DLG2: variants seen among roughly 807,000 people sequenced by gnomAD.
DLG2 encodes the protein disks large homolog 2.
A neutral mutation model predicts 132.5 loss-of-function variants in DLG2; 45 were observed. The observed-to-expected ratio is 0.34, with a 90% CI of 0.27 to 0.44. The LOEUF (loss-of-function observed/expected upper bound fraction) is 0.44, where lower values mean the gene tolerates loss of function less well. Among genes scored for constraint, DLG2 ranks in the 20% least tolerant of loss-of-function variants. The pLI, the probability that DLG2 is intolerant of heterozygous loss-of-function variation, is 1.00. For missense variants in DLG2, 1,045 were observed against 1,196.9 expected (o/e 0.87, Z 1.87); for synonymous variants, 424 against 419.6 (o/e 1.01, Z -0.13).
At chr11:84,977,617 A>C (rs2055089910) in intron 6 of DLG2, among the ~76,000 whole-genome samples, 1 of 152,216 alleles carries the variant, frequency 6.6e-6, no homozygotes, top group South Asian at 2.1e-4. Flanking sequence ...AGAAAAACCA[A>C]ACGCTACCCT....
rs1158336830 is a variant in DLG2, at chr11:84,733,952, A to G, written c.358-199221T>C. 8.5e-5 allele frequency among the ~76,000 whole-genome samples: 13 copies of G among 152,112 alleles called. No individual in the cohort carries two copies. In the Middle Eastern group the frequency reaches 0.027, roughly 318 times the overall value. On this transcript the variant is annotated intron_variant, in intron 6 of 27. Coordinates refer to ENST00000376104, the MANE Select transcript of DLG2 (RefSeq NM_001142699.3). The stretch of plus-strand genomic sequence containing the variant: ...TGTCAAAGATCAGATGGTTGTAGAT[A>G]TGTGGTATTATTTCTGAGGGCTCTG...
chr11:85,226,947 T>C (rs1188733374), intron 4 of DLG2, among the ~76,000 whole-genome samples: 1 of 152,140 alleles, frequency 6.6e-6, no homozygotes, highest in East Asian at 1.9e-4. Context: ...AAGTCTTTGG[T>C]GAAGCTTAAA....
At chr11:84,085,752 A>T (rs1361703555) in intron 10 of DLG2, among the ~76,000 whole-genome samples, 2 of 152,220 alleles carry the variant, frequency 1.3e-5, no homozygotes, top group Non-Finnish European at 2.9e-5. Context: ...GCGATGCTTA[A>T]ATCAGAATAT....
intron 5 of DLG2, among the ~76,000 whole-genome samples, chr11:85,119,501 T>C (rs766093600): frequency 6.6e-6 from 1 of 152,040 alleles, no homozygotes; most frequent in South Asian, 2.1e-4. Context: ...CATTGCATCC[T>C]AGTAATCAGA....
At chr11:85,394,546 G>C (rs976744770) in intron 3 of DLG2, among the ~76,000 whole-genome samples, 1 of 152,166 alleles carries the variant, frequency 6.6e-6, no homozygotes, top group African/African-American at 2.4e-5. Context: ...AAACATCTCT[G>C]ATTTAGCACT....
intron 6 of DLG2, among the ~76,000 whole-genome samples, chr11:84,873,570 G>A (rs991061026): frequency 1.3e-5 from 2 of 152,212 alleles, no homozygotes; most frequent in African/African-American, 4.8e-5. Context: ...AGCATGGAAA[G>A]CCATACAATC....
intron 2 of DLG2, among the ~76,000 whole-genome samples, chr11:85,623,639 C>T (rs2081881030): frequency 6.6e-6 from 1 of 152,080 alleles, no homozygotes; most frequent in Non-Finnish European, 1.5e-5. Flanking sequence ...ATGAAATGAA[C>T]ATTTATCTCA....
At chr11:84,091,424 T>C (rs958113818) in intron 10 of DLG2, among the ~76,000 whole-genome samples, 5 of 152,328 alleles carry the variant, frequency 3.3e-5, no homozygotes, top group Non-Finnish European at 7.4e-5. Flanking sequence ...TCCTCCCTTT[T>C]ACTGGCGTGG....
At chr11:83,687,330 C>A (rs2079981537) in intron 18 of DLG2, among the ~76,000 whole-genome samples, 1 of 152,118 alleles carries the variant, frequency 6.6e-6, no homozygotes, top group Admixed American at 6.6e-5. Context: ...AGTTGAGTAA[C>A]CTGCCCCAGG....
intron 6 of DLG2, among the ~76,000 whole-genome samples, chr11:84,795,372 T>G (rs903613579): frequency 3.3e-5 from 5 of 151,704 alleles, no homozygotes. Flanking sequence ...GGGTCCAATC[T>G]CTGCTGAAAG....
intron 6 of DLG2, among the ~76,000 whole-genome samples, chr11:84,724,554 A>G (rs1265142967): frequency 6.6e-6 from 1 of 152,156 alleles, no homozygotes; most frequent in Non-Finnish European, 1.5e-5. Flanking sequence ...AAACACTACA[A>G]TTCAGGACTT....
At chr11:84,600,961 G>A (rs539672752) in intron 6 of DLG2, among the ~76,000 whole-genome samples, 2 of 152,090 alleles carry the variant, frequency 1.3e-5, no homozygotes, top group East Asian at 3.9e-4. Context: ...CTTAACACAA[G>A]GTAAAAATAA....
intron 7 of DLG2, among the ~76,000 whole-genome samples, chr11:84,438,635 T>C (rs2099008343): frequency 6.6e-6 from 1 of 152,158 alleles, no homozygotes; most frequent in Non-Finnish European, 1.5e-5. Context: ...ACTTCCATTA[T>C]CTTATTAGAG....
chr11:85,450,293 AT>A (rs371583164), intron 3 of DLG2, among the ~76,000 whole-genome samples: 1 of 151,686 alleles, frequency 6.6e-6, no homozygotes, highest in Non-Finnish European at 1.5e-5. Flanking sequence ...ACAGGGAGAC[AT>A]TTTTTTTCAC....
chr11:85,368,814 A>G (rs150898889), intron 3 of DLG2, among the ~76,000 whole-genome samples: 1,548 of 152,336 alleles, frequency 0.01, 12 homozygotes, highest in Non-Finnish European at 0.015. Flanking sequence ...AACTCTAACC[A>G]GCCTGCCCAC....
At chr11:84,841,594 T>A (rs1009873400) in intron 6 of DLG2, among the ~76,000 whole-genome samples, 1 of 151,998 alleles carries the variant, frequency 6.6e-6, no homozygotes, top group Non-Finnish European at 1.5e-5. Context: ...ATGGTAGGCA[T>A]CCATAAATAT....
At chr11:84,975,242 G>C (rs1334681856) in intron 6 of DLG2, among the ~76,000 whole-genome samples, 2 of 152,048 alleles carry the variant, frequency 1.3e-5, no homozygotes, top group African/African-American at 4.8e-5. Context: ...ATCTAAATTT[G>C]GTTCACAAAA....
intron 6 of DLG2, among the ~76,000 whole-genome samples, chr11:84,776,813 T>C (rs1014991672): frequency 1.3e-5 from 2 of 152,162 alleles, no homozygotes; most frequent in Non-Finnish European, 2.9e-5. Flanking sequence ...CTGATGGACA[T>C]TTGGTATCTT....
At chr11:84,473,234 G>A (rs922206977) in intron 7 of DLG2, among the ~76,000 whole-genome samples, 1 of 151,990 alleles carries the variant, frequency 6.6e-6, no homozygotes, top group East Asian at 1.9e-4. Flanking sequence ...CTAAGAATGT[G>A]GCTCTGGTGA....
Sources: allele counts gnomAD v4.1 joint callset (sites outside exome capture counted in the v4.1 genomes callset), GRCh38; gene constraint gnomAD v4.1.1; transcripts MANE v1.5; gene names NCBI Gene and HGNC (gene_info 2026-07-23, HGNC 2026-07-21).